The following RNF144A variants were observed in gnomAD, a reference collection of about 807,000 sequenced individuals.
RNF144A encodes the protein ring finger protein 144A, also known as E3 ubiquitin-protein ligase RNF144A.
Under a neutral mutation model 38.7 loss-of-function variants are expected in RNF144A, and 11 were observed. The observed-to-expected ratio is 0.28, with a 90% CI of 0.18 to 0.47. The LOEUF is 0.47. Ranked by LOEUF, RNF144A falls within the 20% of genes least tolerant of loss-of-function variation. The pLI, the probability that RNF144A is intolerant of heterozygous loss-of-function variation, is 0.99. For synonymous variants in RNF144A, 149 were observed against 143.9 expected (o/e 1.04, Z -0.25); for missense variants, 316 against 377.2 (o/e 0.84, Z 1.34).
chr2:7,024,764 G>A (rs1024736951), intron 7 of RNF144A, among the ~76,000 whole-genome samples: 1 of 152,166 alleles, frequency 6.6e-6, no homozygotes, highest in African/African-American at 2.4e-5. Context: ...GATCCAGCCT[G>A]GGATTTAAAG....
chr2:6,970,235 T>C (rs1306085678), intron 2 of RNF144A, among the ~76,000 whole-genome samples: 1 of 152,202 alleles, frequency 6.6e-6, no homozygotes, highest in Non-Finnish European at 1.5e-5. Flanking sequence ...CAGTGGAAGA[T>C]GATTGAATCA....
chr2:7,006,821 G>A (rs1289996427), intron 3 of RNF144A, among the ~76,000 whole-genome samples: 1 of 151,960 alleles, frequency 6.6e-6, no homozygotes, highest in Non-Finnish European at 1.5e-5. Flanking sequence ...GGAGGTAGGT[G>A]TCCCTTCCCA....
At chr2:6,948,120 C>G (rs1008963821) in intron 2 of RNF144A, among the ~76,000 whole-genome samples, 1 of 152,224 alleles carries the variant, frequency 6.6e-6, no homozygotes, top group Non-Finnish European at 1.5e-5. Flanking sequence ...AAGATACCAG[C>G]AAGCTCTGTT....
chr2:6,998,216 G>A (rs2103393111), intron 3 of RNF144A, among the ~76,000 whole-genome samples: 1 of 151,628 alleles, frequency 6.6e-6, no homozygotes, highest in Admixed American at 6.6e-5. Context: ...TGTTGTATGT[G>A]GATGGTGTAG....
Position 6,962,198 on chromosome 2 carries a change from A to G in RNF144A, c.-12+21051A>G, listed in dbSNP as rs1667389432. On this transcript the variant is annotated intron_variant, in intron 2 of 8. Transcript: ENST00000320892. This position sits in a 1 kb window ranked among gnomAD's most constrained non-coding sequence, Gnocchi z 4.1. ...TGGTTATGCCAGGTGTGCCATTTGC[A>G]TAGGGCACAAATCTCTGGTAGCCCC... Among the ~76,000 whole-genome samples, 1 of 152,224 alleles carries G rather than the reference A, an allele frequency of 6.6e-6. No individual in the cohort carries two copies. The highest frequency in any genetic ancestry group is 2.4e-5 in the African/African-American group (1 of 41,454).
chr2:6,980,044 A>G (rs1457612075), intron 2 of RNF144A, among the ~76,000 whole-genome samples: 1 of 152,032 alleles, frequency 6.6e-6, no homozygotes, highest in African/African-American at 2.4e-5. Context: ...ATCAGATCTC[A>G]TGAGAACATC....
intron 2 of RNF144A, among the ~76,000 whole-genome samples, chr2:6,959,792 C>G (rs758173657): frequency 3.3e-5 from 5 of 152,152 alleles, no homozygotes; most frequent in East Asian, 3.8e-4. Flanking sequence ...GATCACCACC[C>G]CCCCCATACT....
chr2:7,069,945 G>A (rs1674397016), downstream of RNF144A, among the ~76,000 whole-genome samples: 1 of 152,190 alleles, frequency 6.6e-6, no homozygotes, highest in African/African-American at 2.4e-5. Context: ...AAGGTTTTGA[G>A]CTGTCTTTTT....
downstream of RNF144A, among the ~76,000 whole-genome samples, chr2:7,069,118 G>C (rs986173910): frequency 2.0e-5 from 3 of 152,308 alleles, no homozygotes; most frequent in East Asian, 5.8e-4. Context: ...TTTCACATGG[G>C]GCTTGTCCAG....
chr2:7,015,328 G>T (rs1671066234), intron 5 of RNF144A, among the ~76,000 whole-genome samples: 1 of 152,184 alleles, frequency 6.6e-6, no homozygotes, highest in Admixed American at 6.5e-5. Flanking sequence ...AAGCTAATTT[G>T]TCATTATCTA....
At chr2:6,996,880 G>C in intron 2 of RNF144A, 36 bp from the exon 3 acceptor site, 1 of 1,600,040 alleles carries the variant, frequency 6.2e-7, no homozygotes, top group East Asian at 2.2e-5. Flanking sequence ...TGCCAGGGGT[G>C]GGGAGGTCTG....
intron 3 of RNF144A, 119 bp from the exon 4 acceptor site, chr2:7,014,335 C>G: frequency 1.3e-6 from 1 of 749,682 alleles, no homozygotes; most frequent in South Asian, 1.6e-5. Flanking sequence ...GTGGACTACA[C>G]AGTGAAAATA....
chr2:6,955,780 C>A (rs1666962893), intron 2 of RNF144A, among the ~76,000 whole-genome samples: 1 of 152,234 alleles, frequency 6.6e-6, no homozygotes, highest in East Asian at 1.9e-4. Flanking sequence ...ACAAGAAGCC[C>A]CATTTTAATG....
intron 2 of RNF144A, among the ~76,000 whole-genome samples, chr2:6,973,590 A>G (rs1051485847): frequency 2.6e-5 from 4 of 152,328 alleles, no homozygotes; most frequent in African/African-American, 9.6e-5. Flanking sequence ...TGAGGTTGGG[A>G]AAGGGCTTCA....
At chr2:7,001,780 A>G (rs1348845314) in intron 3 of RNF144A, among the ~76,000 whole-genome samples, 3 of 152,254 alleles carry the variant, frequency 2.0e-5, no homozygotes, top group African/African-American at 7.2e-5. Flanking sequence ...ATAAAAAGTC[A>G]GAACTAGATG....
chr2:6,962,375 C>G lies in RNF144A; in HGVS notation c.-12+21228C>G, dbSNP rs1056444912. On this transcript the variant is annotated intron_variant, in intron 2 of 8. Coordinates refer to ENST00000320892, the MANE Select transcript of RNF144A (RefSeq NM_014746.6). This position sits in a 1 kb window ranked among gnomAD's most constrained non-coding sequence, Gnocchi z 4.1. ...CCCCAGGTCACCCTTTTCTATGGTG[C>G]AGCTGCTGGCATCCCCCATAGAAGT... 3.3e-5 allele frequency among the ~76,000 whole-genome samples: 5 copies of G among 152,226 alleles called. No individual in the cohort carries two copies. Among genetic ancestry groups the G allele is most frequent in the African/African-American group, 1.2e-4 (5 of 41,460 alleles).
Position 7,042,557 on chromosome 2 carries a change from G to A in RNF144A, c.*2797G>A. The stretch of plus-strand genomic sequence containing the variant: ...GCCAGTGAGGACTGGCCTTAGCCCA[G>A]TGGACCTGTGGCTTCTCTGAGGCCC... On this transcript the variant is annotated 3_prime_UTR_variant, in exon 9 of 9. Coordinates refer to ENST00000320892, the MANE Select transcript of RNF144A (RefSeq NM_014746.6). 1 of 985,534 alleles carries A rather than the reference G, an allele frequency of 1.0e-6. No homozygotes were observed. Among genetic ancestry groups the A allele is most frequent in the East Asian group, 1.1e-4 (1 of 8,818 alleles). The allele number at this position is 985,534 out of a possible 1,614,324, so 61.0% of individuals were successfully genotyped here.
chr2:6,985,074 C>A (rs1668863317), intron 2 of RNF144A, among the ~76,000 whole-genome samples: 1 of 152,190 alleles, frequency 6.6e-6, no homozygotes, highest in Admixed American at 6.5e-5. Context: ...AAATAAACTT[C>A]ACATAAGAAA....
chr2:7,033,657 A>G (rs1672470615), intron 8 of RNF144A, among the ~76,000 whole-genome samples: 1 of 152,098 alleles, frequency 6.6e-6, no homozygotes, highest in African/African-American at 2.4e-5. Context: ...TCCTCCGTGA[A>G]GTCTCTTGTG....
Sources: gnomAD v4.1 joint callset for allele counts (sites outside exome capture counted in the v4.1 genomes callset) on GRCh38, gnomAD v4.1.1 for gene constraint, Gnocchi (gnomAD v3.1) non-coding constraint, MANE v1.5 for transcripts, NCBI Gene and HGNC (gene_info 2026-07-23, HGNC 2026-07-21) for gene names.